Variants in FAM184A observed in about 807,000 individuals in gnomAD.
FAM184A encodes the protein protein FAM184A.
In FAM184A, 99 loss-of-function variants were observed where a neutral mutation model predicts 143.8. The observed-to-expected ratio is 0.69, with a 90% CI of 0.58 to 0.81. The LOEUF (loss-of-function observed/expected upper bound fraction) is 0.81, where lower values mean the gene tolerates loss of function less well. Among genes scored for constraint, FAM184A ranks in the 40% least tolerant of loss-of-function variants. The pLI is 0.00. For synonymous variants in FAM184A, 427 were observed against 446.4 expected, an observed-to-expected ratio of 0.96 and a Z score of 0.55; for missense variants, 1,217 against 1,310.5, an observed-to-expected ratio of 0.93 and a Z score of 1.10.
intron 3 of FAM184A, among the ~76,000 whole-genome samples, chr6:119,021,746 T>A (rs980695278): frequency 6.6e-6 from 1 of 151,898 alleles, no homozygotes; most frequent in Non-Finnish European, 1.5e-5. Context: ...GAGGCCAAGG[T>A]GGGAGAACTG....
intron 4 of FAM184A, among the ~76,000 whole-genome samples, chr6:119,018,580 A>T (rs941450418): frequency 1.3e-5 from 2 of 152,192 alleles, no homozygotes; most frequent in African/African-American, 2.4e-5. Flanking sequence ...TACACCAAGA[A>T]CTTTGAATTT....
intron 1 of FAM184A, among the ~76,000 whole-genome samples, chr6:119,046,374 G>A (rs1327968835): frequency 5.3e-5 from 8 of 151,896 alleles, no homozygotes; most frequent in Admixed American, 2.6e-4. Flanking sequence ...ACAGACAAGC[G>A]CAACCACACC....
intron 15 of FAM184A, 141 bp downstream of exon 15, chr6:118,966,694 T>A (rs542567542): frequency 4.9e-5 from 21 of 429,880 alleles, no homozygotes; most frequent in African/African-American, 4.1e-4. Context: ...TTCATAAACA[T>A]TTCAATGAAC....
chr6:119,012,271 T>C (rs879867276), intron 5 of FAM184A, among the ~76,000 whole-genome samples: 1 of 152,084 alleles, frequency 6.6e-6, no homozygotes, highest in Non-Finnish European at 1.5e-5. Flanking sequence ...AGAAGAAGAA[T>C]CAATAGGGTT....
intron 5 of FAM184A, 41 bp downstream of exon 5, chr6:119,016,706 C>A (rs1316680734): frequency 6.5e-7 from 1 of 1,529,614 alleles, no homozygotes; most frequent in African/African-American, 1.4e-5. Flanking sequence ...ACAGAAATAT[C>A]ATCAATTTAC....
intron 1 of FAM184A, among the ~76,000 whole-genome samples, chr6:119,094,064 C>A (rs1360090228): frequency 7.8e-6 from 1 of 127,754 alleles, no homozygotes; most frequent in South Asian, 2.8e-4. Flanking sequence ...TCTTTCCTTT[C>A]TTTTTCTTTC....
chr6:119,120,790 T>G (rs653796), intron 1 of FAM184A, among the ~76,000 whole-genome samples: 135,810 of 148,828 alleles, frequency 0.91, 62,038 homozygotes, highest in East Asian at 1. Flanking sequence ...TGGACTAAAA[T>G]AAAGTGATGG....
intron 15 of FAM184A, among the ~76,000 whole-genome samples, chr6:118,965,205 G>GTTTTTTTTTTTTT (rs5879475): frequency 2.3e-5 from 3 of 131,032 alleles, no homozygotes; most frequent in Non-Finnish European, 1.6e-5. Context: ...TTTTTTGTTT[G>GTTTTTTTTTTTTT]TTTTTTTTTT....
intron 1 of FAM184A, among the ~76,000 whole-genome samples, chr6:119,089,919 G>A (rs1788326010): frequency 6.6e-6 from 1 of 152,068 alleles, no homozygotes; most frequent in Non-Finnish European, 1.5e-5. Flanking sequence ...TAATGATATT[G>A]AAAACCTTCT....
At chr6:119,128,394 T>C (rs1789431359) in intron 1 of FAM184A, among the ~76,000 whole-genome samples, 1 of 152,172 alleles carries the variant, frequency 6.6e-6, no homozygotes, top group Admixed American at 6.5e-5. Context: ...GTTCTGATGG[T>C]TATCTTGGGT....
At chr6:119,011,048 CTT>C (rs1785072418) in intron 6 of FAM184A, 3 of 309,154 alleles carry the variant, frequency 9.7e-6, no homozygotes, top group Non-Finnish European at 1.8e-5. Context: ...AGAACTCTCT[CTT>C]GTTCTTTTCC....
chr6:119,002,404 T>G (rs1267391436), intron 9 of FAM184A, among the ~76,000 whole-genome samples: 1 of 152,184 alleles, frequency 6.6e-6, no homozygotes, highest in Non-Finnish European at 1.5e-5. Flanking sequence ...AACACAGATT[T>G]AGGAATACTA....
intron 1 of FAM184A, among the ~76,000 whole-genome samples, chr6:119,087,187 C>A (rs181718787): frequency 1.3e-5 from 2 of 152,004 alleles, no homozygotes; most frequent in Non-Finnish European, 2.9e-5. Context: ...GAGATGTGAG[C>A]TCAACAGTTA....
At chr6:119,142,563 C>G (rs1032335149) in intron 1 of FAM184A, among the ~76,000 whole-genome samples, 38 of 152,156 alleles carry the variant, frequency 2.5e-4, no homozygotes, top group Non-Finnish European at 1.5e-5. Context: ...GATTTAACAT[C>G]GCGAGTCAAG....
At chr6:119,020,903 A>C (rs1032487771) in intron 3 of FAM184A, among the ~76,000 whole-genome samples, 9 of 152,220 alleles carry the variant, frequency 5.9e-5, no homozygotes, top group Non-Finnish European at 1.2e-4. Context: ...ACAGATAAAG[A>C]CAGCAAGGTT....
chr6:119,069,483 C>T (rs563007060), intron 1 of FAM184A, among the ~76,000 whole-genome samples: 2 of 152,218 alleles, frequency 1.3e-5, no homozygotes, highest in Admixed American at 1.3e-4. Context: ...CACACATTCG[C>T]CAGAATAAAC....
At chr6:119,126,955 A>C (rs1486219060) in intron 1 of FAM184A, among the ~76,000 whole-genome samples, 1 of 152,190 alleles carries the variant, frequency 6.6e-6, no homozygotes, top group Non-Finnish European at 1.5e-5. Flanking sequence ...TCTGAAGTCA[A>C]GCTGCTTCTC....
chr6:119,108,798 T>C (rs1030372263), intron 1 of FAM184A, among the ~76,000 whole-genome samples: 1 of 152,188 alleles, frequency 6.6e-6, no homozygotes, highest in Non-Finnish European at 1.5e-5. Flanking sequence ...TTCCCAACCA[T>C]TAAAGCTTTG....
At chr6:119,122,134 A>G (rs982865334) in intron 1 of FAM184A, among the ~76,000 whole-genome samples, 2 of 152,068 alleles carry the variant, frequency 1.3e-5, no homozygotes, top group African/African-American at 4.8e-5. Context: ...TTGGAGTGCT[A>G]CTGCTCTTTC....
Sources: allele counts gnomAD v4.1 joint callset (sites outside exome capture counted in the v4.1 genomes callset), GRCh38; gene constraint gnomAD v4.1.1; transcripts MANE v1.5; gene names NCBI Gene and HGNC (gene_info 2026-07-23, HGNC 2026-07-21).